SLC10A7: variants seen among roughly 807,000 people sequenced by gnomAD.
SLC10A7 encodes solute carrier family 10 member 7.
A neutral mutation model predicts 43.2 loss-of-function variants in SLC10A7; 29 were observed. The observed-to-expected ratio is 0.67, with a 90% CI of 0.50 to 0.92. The LOEUF (loss-of-function observed/expected upper bound fraction) is 0.92, where lower values mean the gene tolerates loss of function less well. SLC10A7 is among the 40% of genes least tolerant of loss of function. The pLI, the probability that SLC10A7 is intolerant of heterozygous loss-of-function variation, is 0.00. For synonymous variants in SLC10A7, 152 were observed against 144.8 expected (o/e 1.05, Z -0.35); for missense variants, 295 against 403.2 (o/e 0.73, Z 2.30).
intron 10 of SLC10A7, among the ~76,000 whole-genome samples, chr4:146,274,580 A>G (rs1188935763): frequency 6.6e-6 from 1 of 152,182 alleles, no homozygotes; most frequent in African/African-American, 2.4e-5. Flanking sequence ...ATTAATACAA[A>G]TGAAACTCAA....
intron 4 of SLC10A7, among the ~76,000 whole-genome samples, chr4:146,493,284 C>T (rs1735613168): frequency 6.6e-6 from 1 of 152,028 alleles, no homozygotes; most frequent in Non-Finnish European, 1.5e-5. Flanking sequence ...AAATAGGAAG[C>T]CTGATATTTA....
chr4:146,262,415 G>T (rs2110997680), intron 10 of SLC10A7, among the ~76,000 whole-genome samples: 1 of 152,346 alleles, frequency 6.6e-6, no homozygotes, highest in East Asian at 1.9e-4. Context: ...GTTGAGAGAG[G>T]TTGAGAACCT....
chr4:146,334,493 C>G (rs1231874691), intron 5 of SLC10A7, among the ~76,000 whole-genome samples: 2 of 151,886 alleles, frequency 1.3e-5, no homozygotes, highest in East Asian at 3.9e-4. Flanking sequence ...AGAGAAACAA[C>G]AGCAGCAATG....
chr4:146,308,861 A>T (rs1205428074), intron 6 of SLC10A7, among the ~76,000 whole-genome samples: 1 of 152,172 alleles, frequency 6.6e-6, no homozygotes, highest in Non-Finnish European at 1.5e-5. Context: ...GCTGAGAAGA[A>T]ATCATTCATG....
At chr4:146,278,163 T>G (rs17021340) in intron 10 of SLC10A7, among the ~76,000 whole-genome samples, 9,607 of 152,186 alleles carry the variant, frequency 0.063, 414 homozygotes, top group South Asian at 0.2. Context: ...CTGGGATAAG[T>G]TTAAAGATTT....
chr4:146,306,051 G>C, intron 6 of SLC10A7, 42 bp from the exon 7 acceptor site: 1 of 1,491,766 alleles, frequency 6.7e-7, no homozygotes, highest in Non-Finnish European at 9.1e-7. Flanking sequence ...CTTCAAATCA[G>C]TTATCAAGCA....
chr4:146,466,550 G>A (rs1386708959), intron 4 of SLC10A7, among the ~76,000 whole-genome samples: 1 of 152,064 alleles, frequency 6.6e-6, no homozygotes, highest in Non-Finnish European at 1.5e-5. Flanking sequence ...TAAGGACAGG[G>A]GACAAAATCT....
intron 7 of SLC10A7, among the ~76,000 whole-genome samples, chr4:146,300,024 G>C (rs919240926): frequency 1.3e-5 from 2 of 152,128 alleles, no homozygotes; most frequent in Non-Finnish European, 2.9e-5. Flanking sequence ...GGGGCTTTTT[G>C]AGCAAGTACA....
At chr4:146,442,094 T>A in intron 5 of SLC10A7, 1 of 976,456 alleles carries the variant, frequency 1.0e-6, no homozygotes, top group Non-Finnish European at 1.2e-6. Flanking sequence ...AAAAATTAAA[T>A]CAACAGAAAA....
At chr4:146,385,840 G>C (rs1237404587) in intron 5 of SLC10A7, among the ~76,000 whole-genome samples, 2 of 152,160 alleles carry the variant, frequency 1.3e-5, no homozygotes, top group Non-Finnish European at 2.9e-5. Flanking sequence ...TTACAAGTGA[G>C]AACATGCAGT....
intron 6 of SLC10A7, among the ~76,000 whole-genome samples, chr4:146,314,084 C>T (rs968567187): frequency 1.2e-4 from 19 of 152,130 alleles, no homozygotes; most frequent in African/African-American, 4.1e-4. Flanking sequence ...AGGCTGAAAG[C>T]GTCTTGTGTT....
chr4:146,521,776 G>T lies in SLC10A7; in HGVS notation c.-59C>A. ...TTGGCTTTTTTTCTTTTCAAGCTCC[G>T]ATCACCTAATCCTTGGAGCGTCTCC... On this transcript the variant is annotated 5_prime_UTR_variant, in exon 1 of 12. Coordinates refer to ENST00000335472, the MANE Select transcript of SLC10A7 (RefSeq NM_001029998.6). 2.9e-6 allele frequency: 4 copies of T among 1,369,898 alleles called. No homozygotes were observed. The highest frequency in any genetic ancestry group is 1.7e-5 in the Admixed American group (1 of 59,038). The allele number at this position is 1,369,898 out of a possible 1,614,324, so 84.9% of individuals were successfully genotyped here. A position where few individuals can be genotyped will look rare whatever the true frequency, so the allele number is the denominator to read the frequency against.
At chr4:146,303,402 G>A (rs1731293611) in intron 7 of SLC10A7, among the ~76,000 whole-genome samples, 1 of 136,636 alleles carries the variant, frequency 7.3e-6, no homozygotes, top group African/African-American at 2.8e-5. Flanking sequence ...GAGACATAAA[G>A]AGTCTTGCTC....
chr4:146,379,312 T>C (rs1737434643), intron 5 of SLC10A7, among the ~76,000 whole-genome samples: 1 of 152,222 alleles, frequency 6.6e-6, no homozygotes, highest in Admixed American at 6.5e-5. Context: ...AACACATATA[T>C]ACATGTATCT....
chr4:146,356,039 T>TAA (rs58931920), intron 5 of SLC10A7, among the ~76,000 whole-genome samples: 48 of 139,812 alleles, frequency 3.4e-4, no homozygotes, highest in African/African-American at 1.2e-3. Flanking sequence ...TAAAGTATAA[T>TAA]AAAAAAAAAA....
At chr4:146,462,652 A>C (rs1732644514) in intron 4 of SLC10A7, among the ~76,000 whole-genome samples, 2 of 152,186 alleles carry the variant, frequency 1.3e-5, no homozygotes, top group Non-Finnish European at 2.9e-5. Context: ...CACTAAATCG[A>C]CTTCAAATTC....
intron 4 of SLC10A7, among the ~76,000 whole-genome samples, chr4:146,487,833 C>T (rs1018789681): frequency 3.3e-5 from 5 of 151,884 alleles, no homozygotes; most frequent in African/African-American, 1.2e-4. Context: ...ATTGCTTGAG[C>T]CCAGGATTGT....
intron 4 of SLC10A7, among the ~76,000 whole-genome samples, chr4:146,457,334 T>A (rs929103740): frequency 2.6e-5 from 4 of 151,924 alleles, no homozygotes; most frequent in African/African-American, 9.7e-5. Context: ...AATCACATCA[T>A]ATAAAATGGG....
At chr4:146,365,202 TA>T (rs1736311454) in intron 5 of SLC10A7, among the ~76,000 whole-genome samples, 1 of 152,202 alleles carries the variant, frequency 6.6e-6, no homozygotes, top group African/African-American at 2.4e-5. Flanking sequence ...TTATATTAAT[TA>T]AATCTTTTGT....
Sources: allele counts gnomAD v4.1 joint callset (sites outside exome capture counted in the v4.1 genomes callset), GRCh38; gene constraint gnomAD v4.1.1; transcripts MANE v1.5; gene names NCBI Gene and HGNC (gene_info 2026-07-23, HGNC 2026-07-21).